The following PCDHGA10 variants were observed in gnomAD, a reference collection of about 807,000 sequenced individuals.
The protein encoded by PCDHGA10 is protocadherin gamma-A10.
Under a neutral mutation model 59.5 loss-of-function variants are expected in PCDHGA10, and 42 were observed. That is an observed-to-expected ratio of 0.71 (90% CI 0.55 to 0.91). The LOEUF is 0.91. PCDHGA10 is among the 40% of genes least tolerant of loss of function. The pLI, the probability that PCDHGA10 is intolerant of heterozygous loss-of-function variation, is 0.00. For missense variants in PCDHGA10, 1,111 were observed against 1,198.2 expected (o/e 0.93, Z 1.07); for synonymous variants, 511 against 517.2 (o/e 0.99, Z 0.16).
intron 3 of PCDHGA10, among the ~76,000 whole-genome samples, chr5:141,510,227 C>T (rs1010123412): frequency 1.3e-5 from 2 of 150,454 alleles, no homozygotes; most frequent in African/African-American, 2.5e-5. Context: ...GAGCCGGGAT[C>T]GCGCCACTGC....
Position 141,485,152 on chromosome 5 carries a change from A to C in PCDHGA10, c.2437-9655A>C. ...CTTCATCCGCGTCTCAGGAGCAAGT[A>C]GAGAATTAGCGGGCGGCAGCAATGC... On this transcript the variant is annotated intron_variant, in intron 1 of 3. Coordinates refer to ENST00000398610, the MANE Select transcript of PCDHGA10 (RefSeq NM_018913.3). The surrounding 1 kb of genome is among the most constrained non-coding windows in gnomAD (Gnocchi z 5.7). 8.8e-6 allele frequency: 14 copies of C among 1,586,038 alleles called. No individual in the cohort carries two copies. The highest frequency in any genetic ancestry group is 1.0e-5 in the Non-Finnish European group (12 of 1,157,128).
Position 141,494,920 on chromosome 5 carries a change from G to A in PCDHGA10, c.2495+55G>A, listed in dbSNP as rs1329724849. The A allele has an allele frequency of 1.8e-5, 29 of 1,613,680 alleles. No individual in the cohort carries two copies. The East Asian group carries it at 6.5e-4, about 36-fold the overall frequency. On this transcript the variant is annotated intron_variant, in intron 2 of 3. Coordinates refer to ENST00000398610, the MANE Select transcript of PCDHGA10 (RefSeq NM_018913.3). ...TTCTCTGCGGCATTTTCTCAGGGAT[G>A]ACGTGGGAGGAGATGGGGGAGGGCC...
At chr5:141,508,815 C>T (rs1190983144) in intron 3 of PCDHGA10, among the ~76,000 whole-genome samples, 1 of 152,138 alleles carries the variant, frequency 6.6e-6, no homozygotes, top group East Asian at 1.9e-4. Context: ...TCTTTGAAGC[C>T]AGATCTGGGC....
At chr5:141,466,094 C>T (rs1462266046) in intron 1 of PCDHGA10, among the ~76,000 whole-genome samples, 1 of 152,040 alleles carries the variant, frequency 6.6e-6, no homozygotes, top group Non-Finnish European at 1.5e-5. Flanking sequence ...TGCACTCCAG[C>T]CTGGGCAACA....
At chr5:141,448,730 G>A (rs1419700194) in intron 1 of PCDHGA10, among the ~76,000 whole-genome samples, 1 of 152,072 alleles carries the variant, frequency 6.6e-6, no homozygotes, top group African/African-American at 2.4e-5. Context: ...CACGAGGTCA[G>A]GAGATCGAGA....
chr5:141,510,289 A>T (rs1279501931), intron 3 of PCDHGA10, among the ~76,000 whole-genome samples: 3 of 151,754 alleles, frequency 2.0e-5, no homozygotes, highest in Non-Finnish European at 4.4e-5. Context: ...AAAAAAAAAA[A>T]AATGCTGTTT....
At chr5:141,454,019 A>G (rs905033407) in intron 1 of PCDHGA10, among the ~76,000 whole-genome samples, 1 of 152,262 alleles carries the variant, frequency 6.6e-6, no homozygotes, top group African/African-American at 2.4e-5. Flanking sequence ...AGAAAAATGT[A>G]TTAAGAATTG....
chr5:141,462,262 A>G (rs2099035971), intron 1 of PCDHGA10, among the ~76,000 whole-genome samples: 1 of 152,192 alleles, frequency 6.6e-6, no homozygotes, highest in African/African-American at 2.4e-5. Flanking sequence ...GACCAGCCTA[A>G]AGTGTATTGT....
chr5:141,433,365 A>ATCTG, intron 1 of PCDHGA10: 1 of 523,830 alleles, frequency 1.9e-6, no homozygotes, highest in East Asian at 3.1e-5. Context: ...CTGCCTATCT[A>ATCTG]TCTATCTATC....
intron 1 of PCDHGA10, among the ~76,000 whole-genome samples, chr5:141,482,633 G>T (rs1218163238): frequency 2.0e-5 from 3 of 151,784 alleles, no homozygotes; most frequent in Non-Finnish European, 2.9e-5. Flanking sequence ...AGGAAGAAAT[G>T]ATAGAGGTGG....
rs1438257730 is a variant in PCDHGA10, at chr5:141,477,587, C to G, written c.2437-17220C>G. 4.3e-6 allele frequency: 7 copies of G among 1,614,094 alleles called. 1 individual carries two copies. In the South Asian group the frequency reaches 7.7e-5, roughly 18 times the overall value. ...GGACCCCGACGCCCCGCAGAATGCT[C>G]GGCTTTCTTTCTTTCTCTTGGAGCA... On this transcript the variant is annotated intron_variant, in intron 1 of 3. Transcript: ENST00000398610. The surrounding 1 kb of genome is among the most constrained non-coding windows in gnomAD (Gnocchi z 4.9).
chr5:141,455,133 C>G (rs1172825339), intron 1 of PCDHGA10, among the ~76,000 whole-genome samples: 2 of 151,392 alleles, frequency 1.3e-5, no homozygotes, highest in African/African-American at 4.9e-5. Context: ...TTAAATTACA[C>G]TGTGTTAAAT....
chr5:141,464,389 A>G (rs2099082481), intron 1 of PCDHGA10, among the ~76,000 whole-genome samples: 1 of 151,766 alleles, frequency 6.6e-6, no homozygotes, highest in Non-Finnish European at 1.5e-5. Flanking sequence ...AAAAATGCTA[A>G]TGAAGAACCT....
chr5:141,478,549 A>G lies in PCDHGA10; in HGVS notation c.2437-16258A>G, dbSNP rs369095515. 8 of 1,602,904 alleles carry G rather than the reference A, an allele frequency of 5.0e-6. No individual in the cohort carries two copies. In the African/African-American group the frequency reaches 1.1e-4, roughly 21 times the overall value. On this transcript the variant is annotated intron_variant, in intron 1 of 3. Coordinates refer to ENST00000398610, the MANE Select transcript of PCDHGA10 (RefSeq NM_018913.3). ...CAGAGAGCGCCCCTCCCGGACAGGT[A>G]AGGTTTAGCAAGTCATGCTTGACCC...
At chr5:141,510,296 G>A (rs999749575) in intron 3 of PCDHGA10, among the ~76,000 whole-genome samples, 6 of 149,608 alleles carry the variant, frequency 4.0e-5, no homozygotes, top group African/African-American at 1.5e-4. Flanking sequence ...AAAAAATGCT[G>A]TTTTGAAATG....
chr5:141,465,800 C>T (rs1486100601), intron 1 of PCDHGA10, among the ~76,000 whole-genome samples: 1 of 151,524 alleles, frequency 6.6e-6, no homozygotes, highest in African/African-American at 2.4e-5. Flanking sequence ...TTTAAGAAAC[C>T]CTTCAGGATC....
intron 1 of PCDHGA10, among the ~76,000 whole-genome samples, chr5:141,435,367 A>C (rs2097758993): frequency 1.3e-5 from 2 of 152,194 alleles, no homozygotes; most frequent in African/African-American, 4.8e-5. Flanking sequence ...TTTATCACTT[A>C]AATATACAAT....
chr5:141,476,556 C>G lies in PCDHGA10; in HGVS notation c.2437-18251C>G. On this transcript the variant is annotated intron_variant, in intron 1 of 3. Transcript: ENST00000398610. This position sits in a 1 kb window ranked among gnomAD's most constrained non-coding sequence, Gnocchi z 7.6. ...GAAATGAAATTGGAGATTAGCGAGG[C>G]CGTGGCTCCGGGGACGCGCTTTCCG... The G allele has an allele frequency of 6.2e-7, 1 of 1,614,234 alleles. No homozygotes were observed. The highest frequency in any genetic ancestry group is 8.5e-7 in the Non-Finnish European group (1 of 1,180,036).
intron 1 of PCDHGA10, among the ~76,000 whole-genome samples, chr5:141,425,778 C>G (rs2096893107): frequency 6.6e-6 from 1 of 152,160 alleles, no homozygotes; most frequent in African/African-American, 2.4e-5. Flanking sequence ...AAGACTTTGC[C>G]TAGTTCTTCC....
Sources: allele counts gnomAD v4.1 joint callset (sites outside exome capture counted in the v4.1 genomes callset), GRCh38; gene constraint gnomAD v4.1.1; non-coding constraint Gnocchi (gnomAD v3.1); transcripts MANE v1.5; gene names NCBI Gene and HGNC (gene_info 2026-07-23, HGNC 2026-07-21).